PDE4B: variants seen among roughly 807,000 people sequenced by gnomAD.
The protein encoded by PDE4B is phosphodiesterase 4B.
A neutral mutation model predicts 82.2 loss-of-function variants in PDE4B; 20 were observed. That is an observed-to-expected ratio of 0.24 (90% confidence interval 0.17 to 0.35). PDE4B has a LOEUF of 0.35. Among genes scored for constraint, PDE4B ranks in the 10% least tolerant of loss-of-function variants. The pLI is 1.00. For synonymous variants in PDE4B, 320 were observed against 318.9 expected, an observed-to-expected ratio of 1.00 and a Z score of -0.04; for missense variants, 655 against 907.2, an observed-to-expected ratio of 0.72 and a Z score of 3.57.
At chr1:66,170,796 G>C (rs1169202266) in intron 3 of PDE4B, among the ~76,000 whole-genome samples, 1 of 152,054 alleles carries the variant, frequency 6.6e-6, no homozygotes, top group Admixed American at 6.6e-5. Flanking sequence ...GAATGCAAAG[G>C]GTATCACAAA....
chr1:66,068,426 G>A (rs1453939902), intron 3 of PDE4B, among the ~76,000 whole-genome samples: 1 of 151,892 alleles, frequency 6.6e-6, no homozygotes, highest in African/African-American at 2.4e-5. Flanking sequence ...TGAGAGAAAT[G>A]ACATCACATT....
intron 3 of PDE4B, among the ~76,000 whole-genome samples, chr1:66,098,523 C>T (rs1380527257): frequency 5.9e-5 from 9 of 152,164 alleles, no homozygotes; most frequent in Admixed American, 5.9e-4. Flanking sequence ...AATATCATCT[C>T]TGAAGCCTGC....
At chr1:66,011,166 G>T in intron 3 of PDE4B, among the ~76,000 whole-genome samples, 1 of 141,592 alleles carries the variant, frequency 7.1e-6, no homozygotes, top group Non-Finnish European at 1.5e-5. Flanking sequence ...TCATTCACTT[G>T]TTGACAAGCA....
At chr1:66,063,421 C>T (rs1192242676) in intron 3 of PDE4B, among the ~76,000 whole-genome samples, 4 of 151,968 alleles carry the variant, frequency 2.6e-5, no homozygotes, top group Non-Finnish European at 4.4e-5. Context: ...GACAGCTCCC[C>T]AGGTAATTCT....
chr1:66,215,897 C>T (rs1650410492), intron 3 of PDE4B, among the ~76,000 whole-genome samples: 1 of 152,084 alleles, frequency 6.6e-6, no homozygotes, highest in Admixed American at 6.6e-5. Context: ...AGAGCAAAGG[C>T]CAAATGTTGA....
chr1:66,125,965 C>A (rs1388494916), intron 3 of PDE4B, among the ~76,000 whole-genome samples: 1 of 152,168 alleles, frequency 6.6e-6, no homozygotes, highest in Non-Finnish European at 1.5e-5. Flanking sequence ...CACCACCACA[C>A]TAGGTTAATT....
intron 3 of PDE4B, among the ~76,000 whole-genome samples, chr1:66,100,123 G>T (rs1570232530): frequency 6.6e-6 from 1 of 151,556 alleles, no homozygotes; most frequent in South Asian, 2.1e-4. Flanking sequence ...GTGGGATCTC[G>T]GCTCACTGCA....
At chr1:65,840,253 C>T (rs1056200164) in intron 1 of PDE4B, among the ~76,000 whole-genome samples, 1 of 151,886 alleles carries the variant, frequency 6.6e-6, no homozygotes, top group African/African-American at 2.4e-5. Context: ...AACATAAATT[C>T]CTCAAAAGAA....
intron 3 of PDE4B, among the ~76,000 whole-genome samples, chr1:66,038,575 A>G (rs913447968): frequency 6.6e-6 from 1 of 152,130 alleles, no homozygotes. Context: ...TATCTGCAAG[A>G]TATCTGAGAT....
rs577313657 is a variant in PDE4B at position 66,080,133 on chromosome 1, G to C, written c.281+161298G>C. Among the ~76,000 whole-genome samples, 6 of 152,202 alleles carry C rather than the reference G, an allele frequency of 3.9e-5. No individual in the cohort carries two copies. The East Asian group carries it at 1.2e-3, about 29-fold the overall frequency. ...TATTCTTTAGGATTTCGTTTCATTG[G>C]CACATCTCTGAGAATAATGGGAGCT... On this transcript the variant is annotated intron_variant, in intron 3 of 16. Transcript: ENST00000341517.
chr1:66,362,005 G>A (rs1032425580), intron 10 of PDE4B, among the ~76,000 whole-genome samples: 4 of 152,232 alleles, frequency 2.6e-5, no homozygotes, highest in Admixed American at 1.3e-4. Context: ...CCAAGTCTTG[G>A]GGGATAGCCT....
chr1:65,973,491 T>C (rs571681144), intron 3 of PDE4B, among the ~76,000 whole-genome samples: 5 of 152,276 alleles, frequency 3.3e-5, no homozygotes, highest in African/African-American at 1.2e-4. Context: ...CAATGGGAGA[T>C]GAAAGTACAT....
intron 1 of PDE4B, among the ~76,000 whole-genome samples, chr1:65,803,055 C>T (rs1212890937): frequency 2.0e-5 from 3 of 151,970 alleles, no homozygotes; most frequent in African/African-American, 7.2e-5. Flanking sequence ...TATCCAAGAG[C>T]AAATATATTT....
chr1:65,814,692 G>A (rs1313226431), intron 1 of PDE4B, among the ~76,000 whole-genome samples: 1 of 152,042 alleles, frequency 6.6e-6, no homozygotes, highest in East Asian at 1.9e-4. Flanking sequence ...TATATAAATA[G>A]AATCATATAG....
intron 1 of PDE4B, among the ~76,000 whole-genome samples, chr1:65,821,146 C>T (rs1357271255): frequency 6.6e-6 from 1 of 152,200 alleles, no homozygotes; most frequent in African/African-American, 2.4e-5. Flanking sequence ...ATGATGACTC[C>T]AGCTGACCAC....
rs191604058 is a variant in PDE4B, at chr1:66,138,386, G to A, written c.282-109074G>A. 1.5e-3 allele frequency among the ~76,000 whole-genome samples: 231 copies of A among 152,226 alleles called. 1 individual carries two copies. Among genetic ancestry groups the A allele is most frequent in the African/African-American group, 5.2e-3 (216 of 41,532 alleles). ...ATACAAAAATTTGCTGGGCATGGTG[G>A]CGGGCACCTGTAATCCCAGCTACTT... On this transcript the variant is annotated intron_variant, in intron 3 of 16. Transcript: ENST00000341517.
At chr1:65,908,743 C>T (rs1569640453) in intron 1 of PDE4B, among the ~76,000 whole-genome samples, 1 of 151,964 alleles carries the variant, frequency 6.6e-6, no homozygotes, top group African/African-American at 2.4e-5. Context: ...TTACTTCTCC[C>T]CAGTGTGAAA....
chr1:65,929,550 A>G (rs1194004655), intron 3 of PDE4B, among the ~76,000 whole-genome samples: 2 of 152,296 alleles, frequency 1.3e-5, no homozygotes, highest in South Asian at 2.1e-4. Flanking sequence ...CTCTTTCTCT[A>G]TAGGAAATAA....
chr1:66,057,157 C>A (rs938824429), intron 3 of PDE4B, among the ~76,000 whole-genome samples: 5 of 152,154 alleles, frequency 3.3e-5, no homozygotes, highest in African/African-American at 1.2e-4. Context: ...CATGAACTTG[C>A]ATAGAGGGAA....
Sources: allele counts gnomAD v4.1 joint callset (sites outside exome capture counted in the v4.1 genomes callset), GRCh38; gene constraint gnomAD v4.1.1; transcripts MANE v1.5; gene names NCBI Gene and HGNC (gene_info 2026-07-23, HGNC 2026-07-21).